PIAS1: variants seen among roughly 807,000 people sequenced by gnomAD.
PIAS1 encodes protein inhibitor of activated STAT 1.
Under a neutral mutation model 71.3 loss-of-function variants are expected in PIAS1, and 6 were observed. The ratio of observed to expected loss-of-function variants is 0.08; its 90% CI spans 0.05 to 0.17. The LOEUF (loss-of-function observed/expected upper bound fraction) is 0.17. PIAS1 is among the 10% of genes least tolerant of loss of function. PIAS1 has a pLI of 1.00. For missense variants in PIAS1, 555 were observed against 793.6 expected, an observed-to-expected ratio of 0.70 and a Z score of 3.61; for synonymous variants, 303 against 292.9, an observed-to-expected ratio of 1.03 and a Z score of -0.35.
intron 1 of PIAS1, among the ~76,000 whole-genome samples, chr15:68,058,132 A>G (rs895803582): frequency 6.6e-6 from 1 of 152,210 alleles, no homozygotes; most frequent in Non-Finnish European, 1.5e-5. Flanking sequence ...TGTAGCGGGA[A>G]CTGGGAAAAA....
At chr15:68,150,373 A>T (rs1283262509) in intron 6 of PIAS1, among the ~76,000 whole-genome samples, 1 of 152,120 alleles carries the variant, frequency 6.6e-6, no homozygotes, top group Non-Finnish European at 1.5e-5. Context: ...ATTTGAAGAC[A>T]TTTTTCTGGG....
chr15:68,141,753 C>A lies in PIAS1; in HGVS notation c.470-193C>A, dbSNP rs193047395. On this transcript the variant is annotated intron_variant, in intron 2 of 13. Transcript: ENST00000249636. ...TCCTGATGTGTTATTCTGGAATTAGCCATTTTTGTTTCTATTTCTGTTTGT... is the reference window on the plus strand; with the variant it reads ...TCCTGATGTGTTATTCTGGAATTAGACATTTTTGTTTCTATTTCTGTTTGT... Among the ~76,000 whole-genome samples, 263 of 151,478 alleles carry A rather than the reference C, an allele frequency of 1.7e-3. 2 individuals carry two copies. The highest frequency in any genetic ancestry group is 6.1e-3 in the African/African-American group (251 of 40,954).
At chr15:68,180,329 T>C (rs902672196) in intron 11 of PIAS1, among the ~76,000 whole-genome samples, 1 of 152,132 alleles carries the variant, frequency 6.6e-6, no homozygotes, top group Non-Finnish European at 1.5e-5. Context: ...ACTTCTGGGC[T>C]GAAACTATCC....
chr15:68,191,694 G>GT lies in PIAS1; in HGVS notation c.*3860dup, dbSNP rs1470517185. On this transcript the variant is annotated 3_prime_UTR_variant, in exon 14 of 14. Transcript: ENST00000249636. ...TTTAATAAATCACAGCATCTGTTTAGTATCTGCAGTTTGAATGCTAAGAGC... is the reference window on the plus strand; with the variant it reads ...TTTAATAAATCACAGCATCTGTTTAGTTATCTGCAGTTTGAATGCTAAGAGC... The GT allele has an allele frequency of 6.6e-6, 1 of 152,478 alleles. No individual in the cohort carries two copies. Among genetic ancestry groups the GT allele is most frequent in the Non-Finnish European group, 1.5e-5 (1 of 68,042 alleles). The allele number at this position is 152,478 out of a possible 1,614,324, so 9.4% of individuals were successfully genotyped here.
chr15:68,071,134 T>G (rs1486408998), intron 1 of PIAS1, among the ~76,000 whole-genome samples: 1 of 152,070 alleles, frequency 6.6e-6, no homozygotes. Context: ...GAGGCTTATT[T>G]TCATTGAGTT....
At chr15:68,081,237 C>T (rs796895209) in intron 1 of PIAS1, among the ~76,000 whole-genome samples, 11 of 152,312 alleles carry the variant, frequency 7.2e-5, no homozygotes, top group African/African-American at 2.6e-4. Flanking sequence ...TTCTGCACTA[C>T]TCTGCCCTTA....
At chr15:68,180,418 T>C (rs918463475) in intron 11 of PIAS1, among the ~76,000 whole-genome samples, 3 of 152,006 alleles carry the variant, frequency 2.0e-5, no homozygotes, top group Non-Finnish European at 4.4e-5. Context: ...TAAATTATTA[T>C]TTTTTCCTTC....
chr15:68,092,154 T>C (rs1567037674), intron 2 of PIAS1, among the ~76,000 whole-genome samples: 1 of 152,188 alleles, frequency 6.6e-6, no homozygotes, highest in Non-Finnish European at 1.5e-5. Flanking sequence ...ATAATAATTA[T>C]TGACTATGAG....
rs2092964347 is a variant in PIAS1, at chr15:68,167,411, A to G, written c.1008+2607A>G. Among the ~76,000 whole-genome samples, 1 of 152,170 alleles carries G rather than the reference A, an allele frequency of 6.6e-6. No homozygotes were observed. The highest frequency in any genetic ancestry group is 1.5e-5 in the Non-Finnish European group (1 of 68,024). ...GTGCTCTTTGAAATATGTAAATATG[A>G]TGTCTCACTGTGCATTACAGTTGCC... On this transcript the variant is annotated intron_variant, in intron 8 of 13. Coordinates refer to ENST00000249636, the MANE Select transcript of PIAS1 (RefSeq NM_016166.3). The surrounding 1 kb of genome is among the most constrained non-coding windows in gnomAD (Gnocchi z 4.4).
At chr15:68,056,777 ATG>A (rs1343269149) in intron 1 of PIAS1, among the ~76,000 whole-genome samples, 1 of 152,258 alleles carries the variant, frequency 6.6e-6, no homozygotes, top group East Asian at 1.9e-4. Context: ...AAAAAAGAGA[ATG>A]TGTATATATA....
At chr15:68,148,572 G>A (rs1219969784) in intron 6 of PIAS1, among the ~76,000 whole-genome samples, 3 of 152,024 alleles carry the variant, frequency 2.0e-5, no homozygotes, top group Non-Finnish European at 4.4e-5. Context: ...GGGATTACAG[G>A]CACCTGCCAC....
At chr15:68,131,820 G>A (rs1054956002) in intron 2 of PIAS1, among the ~76,000 whole-genome samples, 1 of 152,128 alleles carries the variant, frequency 6.6e-6, no homozygotes, top group Non-Finnish European at 1.5e-5. Flanking sequence ...GAACATGGGA[G>A]TGTAGACATC....
At chr15:68,108,611 ATATC>A (rs1567045184) in intron 2 of PIAS1, among the ~76,000 whole-genome samples, 5 of 152,142 alleles carry the variant, frequency 3.3e-5, no homozygotes, top group East Asian at 1.9e-4. Flanking sequence ...TGCCTGCTTT[ATATC>A]ACCATTCATA....
intron 1 of PIAS1, chr15:68,055,687 T>TTC: frequency 2.4e-6 from 1 of 421,790 alleles, no homozygotes; most frequent in Non-Finnish European, 4.2e-6. Context: ...GACATCTCTG[T>TTC]CAGAGAGGAG....
chr15:68,086,162 A>C lies in PIAS1; in HGVS notation c.25-144A>C. ...ACTTAACGTTAAATGATTAAATTTGAAGTTTGAAATAATAGGATTATAAGT... is the reference window on the plus strand; with the variant it reads ...ACTTAACGTTAAATGATTAAATTTGCAGTTTGAAATAATAGGATTATAAGT... On this transcript the variant is annotated intron_variant, in intron 1 of 13. Coordinates refer to ENST00000249636, the MANE Select transcript of PIAS1 (RefSeq NM_016166.3). The surrounding 1 kb of genome is among the most constrained non-coding windows in gnomAD (Gnocchi z 7.2). The C allele has an allele frequency of 1.8e-6, 1 of 566,236 alleles. No individual in the cohort carries two copies. Among genetic ancestry groups the C allele is most frequent in the Non-Finnish European group, 3.1e-6 (1 of 326,628 alleles). The allele number at this position is 566,236 out of a possible 1,614,324, so 35.1% of individuals were successfully genotyped here.
rs749254322 is a variant in PIAS1, at chr15:68,173,744, C to A, written c.1021C>A (p.Arg341=). 1.1e-5 allele frequency: 17 copies of A among 1,535,564 alleles called. 1 individual carries two copies. The South Asian group carries it at 2.1e-4, about 19-fold the overall frequency. Reference sequence around the variant, plus strand: ...TCCCTTTTTAAAGCTTGGTAAAATGCGGCTGACAATTCCGTGTCGGGCCCT... The same window carrying A: ...TCCCTTTTTAAAGCTTGGTAAAATGAGGCTGACAATTCCGTGTCGGGCCCT... The part of the protein sequence containing the change: ...VSLLCPLGKM[R]LTIPCRALTC... Residue 341 remains arginine (R), a synonymous_variant, in exon 9 of 14, where the codon CGG becomes AGG. Coordinates refer to ENST00000249636, the MANE Select transcript of PIAS1 (RefSeq NM_016166.3). The surrounding 1 kb of genome is among the most constrained non-coding windows in gnomAD (Gnocchi z 4.3).
intron 2 of PIAS1, among the ~76,000 whole-genome samples, chr15:68,124,373 C>A (rs2092634833): frequency 6.7e-6 from 1 of 149,786 alleles, no homozygotes; most frequent in African/African-American, 2.5e-5. Context: ...TCCACTATTT[C>A]TTGGGTTGTG....
chr15:68,067,043 A>G (rs1455599877), intron 1 of PIAS1, among the ~76,000 whole-genome samples: 1 of 152,168 alleles, frequency 6.6e-6, no homozygotes, highest in Non-Finnish European at 1.5e-5. Context: ...TGTCCCACTT[A>G]TGAGTATGCA....
chr15:68,182,759 C>CT (rs905762165), intron 12 of PIAS1, among the ~76,000 whole-genome samples: 1 of 152,084 alleles, frequency 6.6e-6, no homozygotes, highest in Non-Finnish European at 1.5e-5. Flanking sequence ...CTTTCTATAC[C>CT]TTTTTTTCTA....
Sources: gnomAD v4.1 joint callset for allele counts (sites outside exome capture counted in the v4.1 genomes callset) on GRCh38, gnomAD v4.1.1 for gene constraint, Gnocchi (gnomAD v3.1) non-coding constraint, MANE v1.5 for transcripts, NCBI Gene and HGNC (gene_info 2026-07-23, HGNC 2026-07-21) for gene names.